Variants in KSR2 observed in about 807,000 individuals in gnomAD.
KSR2 encodes the protein kinase suppressor of ras 2.
Under a neutral mutation model 107.8 loss-of-function variants are expected in KSR2, and 25 were observed. That is an observed-to-expected ratio of 0.23 (90% confidence interval 0.17 to 0.32). KSR2 has a LOEUF of 0.32. KSR2 is among the 10% of genes least tolerant of loss of function. The pLI is 1.00. For missense variants in KSR2, 887 were observed against 1,268.9 expected, an observed-to-expected ratio of 0.70 and a Z score of 4.57; for synonymous variants, 480 against 507.0, an observed-to-expected ratio of 0.95 and a Z score of 0.71.
intron 1 of KSR2, among the ~76,000 whole-genome samples, chr12:117,932,201 C>T (rs144103212): frequency 1.2e-4 from 18 of 152,144 alleles, no homozygotes; most frequent in East Asian, 9.7e-4. Flanking sequence ...GTAGGAGAAT[C>T]GCTTGAACCC....
At position 117,751,122 on chromosome 12, in the gene KSR2, T is replaced by C. The variant is rs78588351; in HGVS notation, c.986+9889A>G. On this transcript the variant is annotated intron_variant, in intron 4 of 19. Transcript: ENST00000339824. Reference sequence around the variant, plus strand: ...GGTCTCCCCCATCCTGTTTTCATGATAGTGAGTGAGTTCTCTTGAGAGCAG... The same window carrying C: ...GGTCTCCCCCATCCTGTTTTCATGACAGTGAGTGAGTTCTCTTGAGAGCAG... 6.5e-3 allele frequency among the ~76,000 whole-genome samples: 993 copies of C among 152,268 alleles called. 14 individuals are homozygous for C. Among genetic ancestry groups the C allele is most frequent in the African/African-American group, 0.023 (948 of 41,554 alleles).
rs1022093536 is a variant in KSR2, at chr12:117,953,239, G to A, written c.180+14837C>T. 3.3e-5 allele frequency among the ~76,000 whole-genome samples: 5 copies of A among 151,856 alleles called. No individual in the cohort carries two copies. In the South Asian group the frequency reaches 6.2e-4, roughly 19 times the overall value. Reference sequence around the variant, plus strand: ...AATTGCTGGTGGGAATGTAAAAAACGGTTGCAGCCACTGTGGCAAACATTA... The same window carrying A: ...AATTGCTGGTGGGAATGTAAAAAACAGTTGCAGCCACTGTGGCAAACATTA... On this transcript the variant is annotated intron_variant, in intron 1 of 19. Coordinates refer to ENST00000339824, the MANE Select transcript of KSR2 (RefSeq NM_173598.6).
At chr12:117,522,382 T>A (rs550136448) in intron 14 of KSR2, among the ~76,000 whole-genome samples, 2 of 152,102 alleles carry the variant, frequency 1.3e-5, no homozygotes, top group African/African-American at 4.8e-5. Context: ...GGATAAGAGC[T>A]TAAGATGGGA....
At chr12:117,656,958 A>ATATATATATATAT (rs1555225255) in intron 5 of KSR2, among the ~76,000 whole-genome samples, 1 of 87,946 alleles carries the variant, frequency 1.1e-5, no homozygotes. Flanking sequence ...ATATATATAT[A>ATATATATATATAT]ATAGGATATA....
At chr12:117,604,454 T>C (rs1649114125) in intron 5 of KSR2, among the ~76,000 whole-genome samples, 1 of 152,232 alleles carries the variant, frequency 6.6e-6, no homozygotes, top group Non-Finnish European at 1.5e-5. Flanking sequence ...TGTATGGTAA[T>C]TCAAAGTTTA....
intron 1 of KSR2, among the ~76,000 whole-genome samples, chr12:117,949,329 G>A (rs142684156): frequency 2.6e-5 from 4 of 151,446 alleles, no homozygotes; most frequent in East Asian, 1.9e-4. Context: ...GAAAATCTTC[G>A]GAATGGGAGA....
At chr12:117,534,632 G>A (rs1044006075) in intron 10 of KSR2, among the ~76,000 whole-genome samples, 7 of 151,972 alleles carry the variant, frequency 4.6e-5, no homozygotes, top group Admixed American at 3.3e-4. Context: ...TGCCCCTGCC[G>A]CTACAACATG....
chr12:117,881,863 T>C (rs998966056), intron 1 of KSR2, among the ~76,000 whole-genome samples: 5 of 152,154 alleles, frequency 3.3e-5, no homozygotes, highest in Admixed American at 2.0e-4. Context: ...CTTTGCCCAA[T>C]TAATATTAAT....
chr12:117,740,575 T>C (rs1466333367), intron 4 of KSR2, among the ~76,000 whole-genome samples: 2 of 105,022 alleles, frequency 1.9e-5, no homozygotes, highest in Non-Finnish European at 3.8e-5. Context: ...ATATAACATA[T>C]ATTATATATG....
intron 1 of KSR2, 130 bp from the exon 2 acceptor site, chr12:117,860,561 G>T: frequency 1.2e-6 from 1 of 864,896 alleles, no homozygotes; most frequent in Admixed American, 2.8e-5. Flanking sequence ...TTCCGCTACA[G>T]TGAGATCCAG....
In KSR2 at chr12:117,527,304, C is replaced by CACAG. The variant is rs1555212828; in HGVS notation, c.1803-186_1803-185insCTGT. On this transcript the variant is annotated intron_variant, in intron 12 of 19. Coordinates refer to ENST00000339824, the MANE Select transcript of KSR2 (RefSeq NM_173598.6). ...CGACACACACACACACACACACAGA[C>CACAG]ACACACACACACACACACACAGACA... Among the ~76,000 whole-genome samples, 290 of 124,458 alleles carry CACAG rather than the reference C, an allele frequency of 2.3e-3. 3 individuals are homozygous for CACAG. The highest frequency in any genetic ancestry group is 0.011 in the African/African-American group (245 of 22,186). 81.6% of individuals were successfully genotyped at this position (124,458 alleles called of 152,430 possible). A position where few individuals can be genotyped will look rare whatever the true frequency, so the allele number is the denominator to read the frequency against.
chr12:117,670,754 T>C (rs1390748720), intron 4 of KSR2, among the ~76,000 whole-genome samples: 1 of 152,142 alleles, frequency 6.6e-6, no homozygotes, highest in Non-Finnish European at 1.5e-5. Flanking sequence ...AGAAAAATGC[T>C]GTAATAGATG....
chr12:117,765,347 A>G (rs1034442509), intron 3 of KSR2, among the ~76,000 whole-genome samples: 1 of 152,202 alleles, frequency 6.6e-6, no homozygotes, highest in East Asian at 1.9e-4. Context: ...TCCTGAATGA[A>G]ATGGAAAGAA....
At chr12:117,734,110 G>A (rs138328379) in intron 4 of KSR2, among the ~76,000 whole-genome samples, 12 of 152,064 alleles carry the variant, frequency 7.9e-5, no homozygotes, top group African/African-American at 1.7e-4. Flanking sequence ...GTGAAACCCC[G>A]TCTCTACCAA....
At chr12:117,660,159 G>A (rs961567652) in intron 5 of KSR2, among the ~76,000 whole-genome samples, 5 of 152,176 alleles carry the variant, frequency 3.3e-5, no homozygotes, top group Admixed American at 2.0e-4. Context: ...TATACAGATT[G>A]GCCCTGGTAC....
intron 3 of KSR2, among the ~76,000 whole-genome samples, chr12:117,781,965 G>A (rs1889903657): frequency 6.6e-6 from 1 of 152,200 alleles, no homozygotes; most frequent in Admixed American, 6.5e-5. Context: ...GTGGAACTAA[G>A]CATGTTTAGA....
intron 3 of KSR2, among the ~76,000 whole-genome samples, chr12:117,800,689 C>T (rs1451794344): frequency 1.3e-5 from 2 of 152,044 alleles, no homozygotes; most frequent in East Asian, 1.9e-4. Context: ...CCTATCAACC[C>T]GTCATCTAGG....
intron 1 of KSR2, among the ~76,000 whole-genome samples, chr12:117,867,293 G>T (rs912963932): frequency 6.6e-6 from 1 of 151,932 alleles, no homozygotes; most frequent in Non-Finnish European, 1.5e-5. Flanking sequence ...TACAGCCTGG[G>T]CAACAAAGCG....
intron 3 of KSR2, among the ~76,000 whole-genome samples, chr12:117,825,497 A>G (rs1891710182): frequency 6.6e-6 from 1 of 152,112 alleles, no homozygotes; most frequent in African/African-American, 2.4e-5. Context: ...CTCTGTCTTG[A>G]GCACTCTTTC....
Sources: gnomAD v4.1 joint callset for allele counts (sites outside exome capture counted in the v4.1 genomes callset) on GRCh38, gnomAD v4.1.1 for gene constraint, MANE v1.5 for transcripts, NCBI Gene and HGNC (gene_info 2026-07-23, HGNC 2026-07-21) for gene names.